The following CDH13 variants were observed in gnomAD, a reference collection of about 807,000 sequenced individuals.
CDH13 encodes cadherin 13.
In CDH13, 24 loss-of-function variants were observed where a neutral mutation model predicts 63.8. That is an observed-to-expected ratio of 0.38 (90% confidence interval 0.27 to 0.53). CDH13 has a LOEUF of 0.53. CDH13 is among the 20% of genes least tolerant of loss of function. CDH13 has a pLI of 0.85. For missense variants in CDH13, 1,049 were observed against 903.1 expected (o/e 1.16, Z -2.07); for synonymous variants, 503 against 355.3 (o/e 1.42, Z -4.67).
intron 6 of CDH13, among the ~76,000 whole-genome samples, chr16:83,453,780 C>G (rs976089990): frequency 6.6e-6 from 1 of 151,918 alleles, no homozygotes; most frequent in Admixed American, 6.6e-5. Context: ...TCTGTGAGAG[C>G]TGGGACTCTG....
chr16:83,541,861 C>A (rs1317508402), intron 7 of CDH13, among the ~76,000 whole-genome samples: 1 of 152,244 alleles, frequency 6.6e-6, no homozygotes, highest in Admixed American at 6.5e-5. Context: ...GAGCCCTAGA[C>A]AGAGCTTGCA....
chr16:83,189,847 A>C (rs2038642322), intron 4 of CDH13, among the ~76,000 whole-genome samples: 1 of 152,150 alleles, frequency 6.6e-6, no homozygotes, highest in Non-Finnish European at 1.5e-5. Context: ...AATGGGAGGT[A>C]ATTGAATCAT....
chr16:83,029,738 A>G (rs1186352988), intron 2 of CDH13, among the ~76,000 whole-genome samples: 1 of 152,168 alleles, frequency 6.6e-6, no homozygotes, highest in Non-Finnish European at 1.5e-5. Context: ...TTACTCAGGA[A>G]GGGAGGGGAC....
chr16:83,256,027 C>T (rs1210347674), intron 5 of CDH13, among the ~76,000 whole-genome samples: 2 of 152,128 alleles, frequency 1.3e-5, no homozygotes, highest in Non-Finnish European at 2.9e-5. Context: ...TAAATTAGCT[C>T]AATAAAAGTG....
intron 8 of CDH13, among the ~76,000 whole-genome samples, chr16:83,608,660 A>ATTTTTTTTTT (rs754678790): frequency 2.7e-5 from 3 of 109,916 alleles, no homozygotes; most frequent in Non-Finnish European, 5.8e-5. Context: ...TAATTTTTGT[A>ATTTTTTTTTT]TTTTTTTTTT....
At chr16:83,484,081 C>T (rs546018231) in intron 6 of CDH13, among the ~76,000 whole-genome samples, 71 of 152,298 alleles carry the variant, frequency 4.7e-4, no homozygotes, top group Middle Eastern at 6.8e-3. Flanking sequence ...GTGAAAATAG[C>T]TGAGACTGCC....
chr16:83,052,611 C>G (rs914831138), intron 3 of CDH13, among the ~76,000 whole-genome samples: 3 of 151,790 alleles, frequency 2.0e-5, no homozygotes, highest in East Asian at 3.9e-4. Flanking sequence ...GAAACCCTGT[C>G]TCTACTAAAA....
At chr16:83,503,981 C>T (rs547030313) in intron 7 of CDH13, among the ~76,000 whole-genome samples, 1 of 152,004 alleles carries the variant, frequency 6.6e-6, no homozygotes, top group African/African-American at 2.4e-5. Context: ...GAAGGGACAG[C>T]ATTAGGACAG....
intron 10 of CDH13, among the ~76,000 whole-genome samples, chr16:83,707,639 C>A (rs424280): frequency 1.3e-5 from 2 of 151,844 alleles, no homozygotes; most frequent in Non-Finnish European, 2.9e-5. Context: ...TCCTATAAGA[C>A]AGAGATCAGC....
intron 6 of CDH13, among the ~76,000 whole-genome samples, chr16:83,392,231 C>T (rs1179253512): frequency 1.3e-5 from 2 of 152,224 alleles, no homozygotes; most frequent in Non-Finnish European, 1.5e-5. Flanking sequence ...AACCCCCAAA[C>T]CTCAGTTTCC....
chr16:83,745,250 G>T (rs931129216), intron 10 of CDH13, among the ~76,000 whole-genome samples: 1 of 152,208 alleles, frequency 6.6e-6, no homozygotes, highest in Non-Finnish European at 1.5e-5. Context: ...GGAAGCATCA[G>T]CAGGAGCCTC....
intron 11 of CDH13, among the ~76,000 whole-genome samples, chr16:83,767,221 C>T (rs374211342): frequency 1.3e-5 from 2 of 152,074 alleles, no homozygotes; most frequent in African/African-American, 2.4e-5. Context: ...TGGATAGCAG[C>T]TGATGAGGTT....
intron 6 of CDH13, among the ~76,000 whole-genome samples, chr16:83,349,683 C>G (rs527971459): frequency 6.6e-6 from 1 of 151,972 alleles, no homozygotes; most frequent in African/African-American, 2.4e-5. Flanking sequence ...TCACTGCAAC[C>G]TGTGCCTCCT....
chr16:82,906,108 C>T (rs552815826), intron 2 of CDH13, among the ~76,000 whole-genome samples: 1 of 152,196 alleles, frequency 6.6e-6, no homozygotes, highest in African/African-American at 2.4e-5. Context: ...ACATCTATCT[C>T]TCTAGAGATC....
chr16:82,660,370 C>T (rs1911790368), intron 1 of CDH13, among the ~76,000 whole-genome samples: 1 of 152,092 alleles, frequency 6.6e-6, no homozygotes. Flanking sequence ...GTAAATATGA[C>T]AGAGAAACCA....
chr16:83,588,933 AC>A (rs1555579441), intron 7 of CDH13, among the ~76,000 whole-genome samples: 1 of 152,064 alleles, frequency 6.6e-6, no homozygotes, highest in Non-Finnish European at 1.5e-5. Flanking sequence ...CTCAGCGGTC[AC>A]CCCCCAGAGA....
At chr16:82,777,504 G>A (rs1240003849) in intron 1 of CDH13, among the ~76,000 whole-genome samples, 2 of 152,192 alleles carry the variant, frequency 1.3e-5, no homozygotes, top group East Asian at 1.9e-4. Flanking sequence ...GAAACATCAG[G>A]TAGATGCAAT....
At chr16:82,675,215 T>C (rs1913759666) in intron 1 of CDH13, among the ~76,000 whole-genome samples, 1 of 152,214 alleles carries the variant, frequency 6.6e-6, no homozygotes, top group Non-Finnish European at 1.5e-5. Context: ...CATCCTAAGA[T>C]TTCTCTGACA....
intron 2 of CDH13, among the ~76,000 whole-genome samples, chr16:82,966,489 T>A (rs182501360): frequency 6.6e-6 from 1 of 152,312 alleles, no homozygotes; most frequent in Admixed American, 6.5e-5. Context: ...GGCTCAGAGA[T>A]GCTAAATAAC....
Sources: allele counts gnomAD v4.1 joint callset (sites outside exome capture counted in the v4.1 genomes callset), GRCh38; gene constraint gnomAD v4.1.1; transcripts MANE v1.5; gene names NCBI Gene and HGNC (gene_info 2026-07-23, HGNC 2026-07-21).